Variants in RARS2 observed in about 807,000 individuals in gnomAD.
RARS2 encodes the protein arginyl-tRNA synthetase 2, mitochondrial.
In RARS2, 67 loss-of-function variants were observed where a neutral mutation model predicts 88.5. The ratio of observed to expected loss-of-function variants is 0.76; its 90% CI spans 0.62 to 0.93. The LOEUF is 0.93. Among genes scored for constraint, RARS2 ranks in the 40% least tolerant of loss-of-function variants. The probability of loss-of-function intolerance (pLI) is 0.00; values close to 1 mark genes in which losing one functional copy is unlikely to be tolerated. For synonymous variants in RARS2, 239 were observed against 230.3 expected, an observed-to-expected ratio of 1.04 and a Z score of -0.34; for missense variants, 664 against 684.2, an observed-to-expected ratio of 0.97 and a Z score of 0.33.
At chr6:87,551,666 C>T (rs1784387765) in intron 5 of RARS2, among the ~76,000 whole-genome samples, 1 of 141,262 alleles carries the variant, frequency 7.1e-6, no homozygotes, top group African/African-American at 2.6e-5. Context: ...TCTTATTTTC[C>T]AGATAAGAGG....
chr6:87,531,857 A>G lies in RARS2; in HGVS notation c.613-915T>C, dbSNP rs572886752. On this transcript the variant is annotated intron_variant, in intron 8 of 19. Transcript: ENST00000369536. ...TATACATATGGACAAATATTTACAA[A>G]TTGTAACTCACCTGCAGGTTGAAAC... 2.0e-5 allele frequency among the ~76,000 whole-genome samples: 3 copies of G among 152,340 alleles called. No homozygotes were observed. In the East Asian group the frequency reaches 5.8e-4, roughly 29 times the overall value.
At chr6:87,585,594 T>C (rs1201511407) in intron 1 of RARS2, among the ~76,000 whole-genome samples, 1 of 152,062 alleles carries the variant, frequency 6.6e-6, no homozygotes, top group Non-Finnish European at 1.5e-5. Flanking sequence ...TAGCCGGGTG[T>C]GGTGGCGGGC....
intron 2 of RARS2, 76 bp downstream of exon 2, chr6:87,569,441 A>G: frequency 1.7e-6 from 2 of 1,157,674 alleles, no homozygotes; most frequent in Non-Finnish European, 2.6e-6. Flanking sequence ...AAGAGTAACA[A>G]TTCTTTTTTG....
At chr6:87,567,328 C>T (rs1031102426) in intron 2 of RARS2, among the ~76,000 whole-genome samples, 1 of 152,140 alleles carries the variant, frequency 6.6e-6, no homozygotes, top group Non-Finnish European at 1.5e-5. Flanking sequence ...TAAACTAGTC[C>T]CTGTACACTC....
chr6:87,573,146 C>T (rs1389039616), intron 1 of RARS2, among the ~76,000 whole-genome samples: 1 of 152,176 alleles, frequency 6.6e-6, no homozygotes, highest in Non-Finnish European at 1.5e-5. Context: ...CATGGTTCCA[C>T]AGGCTGTACA....
chr6:87,570,184 G>A (rs1375565816), intron 1 of RARS2, among the ~76,000 whole-genome samples: 2 of 152,144 alleles, frequency 1.3e-5, no homozygotes, highest in African/African-American at 4.8e-5. Context: ...CATATATTTT[G>A]TAGCACAGAC....
chr6:87,545,762 TG>T, intron 6 of RARS2, 63 bp from the exon 7 acceptor site: 2 of 1,551,546 alleles, frequency 1.3e-6, no homozygotes, highest in Non-Finnish European at 1.8e-6. Flanking sequence ...ATAAGAACCA[TG>T]TACTTCTCTA....
chr6:87,533,258 T>C (rs1778092119), intron 8 of RARS2, among the ~76,000 whole-genome samples: 1 of 145,328 alleles, frequency 6.9e-6, no homozygotes, highest in Admixed American at 7.2e-5. Context: ...TCTTAAAAAA[T>C]AGAAATAATT....
rs145606250 is a variant in RARS2 at position 87,543,123 on chromosome 6, G to A, written c.536-1129C>T. ...TTGAGACCAGCCTGACCAACAAGGA[G>A]AAACCCTGTCTCTACTAAAAAAATA... is the stretch of plus-strand genomic sequence containing the variant. On this transcript the variant is annotated intron_variant, in intron 7 of 19. Coordinates refer to ENST00000369536, the MANE Select transcript of RARS2 (RefSeq NM_020320.5). Among the ~76,000 whole-genome samples the A allele has an allele frequency of 9.2e-3, 1,383 of 150,876 alleles. 19 individuals are homozygous for A. The highest frequency in any genetic ancestry group is 0.031 in the African/African-American group (1,287 of 40,966).
At chr6:87,551,353 T>TG (rs1784267369) in intron 5 of RARS2, among the ~76,000 whole-genome samples, 1 of 152,076 alleles carries the variant, frequency 6.6e-6, no homozygotes, top group Non-Finnish European at 1.5e-5. Flanking sequence ...TGGCCGGGCA[T>TG]GGTCGCTCAC....
intron 8 of RARS2, among the ~76,000 whole-genome samples, chr6:87,533,572 G>T (rs1283387945): frequency 6.6e-6 from 1 of 152,182 alleles, no homozygotes; most frequent in African/African-American, 2.4e-5. Flanking sequence ...TAAAGTTTTT[G>T]AGGATGGAAA....
chr6:87,579,715 GTTTTTTTTTTTTT>G (rs35014020), intron 1 of RARS2, among the ~76,000 whole-genome samples: 15 of 60,466 alleles, frequency 2.5e-4, no homozygotes, highest in Non-Finnish European at 2.6e-4. Flanking sequence ...CATAGAGCAT[GTTTTTTTTTTTTT>G]TTTTTTTTTT....
intron 7 of RARS2, among the ~76,000 whole-genome samples, chr6:87,542,943 A>G (rs1377000525): frequency 1.3e-5 from 2 of 151,996 alleles, no homozygotes; most frequent in Non-Finnish European, 2.9e-5. Flanking sequence ...GTGCACATGT[A>G]CCCTAGAACT....
chr6:87,514,646 T>TA, intron 19 of RARS2, 147 bp from the exon 20 acceptor site: 2 of 768,008 alleles, frequency 2.6e-6, no homozygotes, highest in Non-Finnish European at 4.5e-6. Context: ...CAAGAGAAGA[T>TA]AAATTCCTGG....
intron 16 of RARS2, 179 bp downstream of exon 16, chr6:87,518,451 A>G (rs960986427): frequency 5.4e-5 from 75 of 1,381,726 alleles, no homozygotes; most frequent in Non-Finnish European, 7.1e-5. Flanking sequence ...ACATAAATGT[A>G]TTTCTAACAT....
chr6:87,560,762 C>T (rs985887972), intron 4 of RARS2, among the ~76,000 whole-genome samples: 1 of 152,206 alleles, frequency 6.6e-6, no homozygotes, highest in Admixed American at 6.5e-5. Context: ...TGGTGCATGC[C>T]TGTAATCCCA....
chr6:87,530,952 C>T lies in RARS2; in HGVS notation c.613-10G>A. 6.2e-7 allele frequency: 1 copy of T among 1,613,712 alleles called. No individual in the cohort carries two copies. The highest frequency in any genetic ancestry group is 8.5e-7 in the Non-Finnish European group (1 of 1,179,950). On this transcript the variant is annotated splice_polypyrimidine_tract_variant and intron_variant, in intron 8 of 19. Coordinates refer to ENST00000369536, the MANE Select transcript of RARS2 (RefSeq NM_020320.5). ...TAACTTGTACATAAACCTAAAAGTA[C>T]AATAGTACATTAAATGAAGTACATA...
chr6:87,570,746 T>TCTTG (rs1328761458), intron 1 of RARS2, among the ~76,000 whole-genome samples: 1 of 152,110 alleles, frequency 6.6e-6, no homozygotes, highest in East Asian at 1.9e-4. Context: ...ATAGAGACAG[T>TCTTG]CTTGCTATGT....
intron 11 of RARS2, among the ~76,000 whole-genome samples, chr6:87,522,593 T>C (rs963897716): frequency 1.4e-4 from 22 of 152,304 alleles, no homozygotes; most frequent in Non-Finnish European, 2.8e-4. Context: ...ATGTCATTAG[T>C]ACCTATCTCA....
Sources: allele counts gnomAD v4.1 joint callset (sites outside exome capture counted in the v4.1 genomes callset), GRCh38; gene constraint gnomAD v4.1.1; transcripts MANE v1.5; gene names NCBI Gene and HGNC (gene_info 2026-07-23, HGNC 2026-07-21).